CPE: variants seen among roughly 807,000 people sequenced by gnomAD.
CPE encodes carbocypeptidase E.
A neutral mutation model predicts 53.5 loss-of-function variants in CPE; 17 were observed. The ratio of observed to expected loss-of-function variants is 0.32; its 90% CI spans 0.22 to 0.48. CPE has a LOEUF of 0.48. Ranked by LOEUF, CPE falls within the 20% of genes least tolerant of loss-of-function variation. The pLI, the probability that CPE is intolerant of heterozygous loss-of-function variation, is 0.99. For missense variants in CPE, 524 were observed against 614.7 expected, an observed-to-expected ratio of 0.85 and a Z score of 1.56; for synonymous variants, 226 against 228.8, an observed-to-expected ratio of 0.99 and a Z score of 0.11.
intron 1 of CPE, chr4:165,414,942 A>C (rs971544519): frequency 5.9e-5 from 9 of 152,168 alleles, no homozygotes; most frequent in South Asian, 2.1e-4. Context: ...AAAAAAAAAA[A>C]CAAAATATAA....
At chr4:165,398,395 AATACATATAGGTACATAT>A (rs1166390024) in intron 1 of CPE, among the ~76,000 whole-genome samples, 11 of 152,298 alleles carry the variant, frequency 7.2e-5, no homozygotes, top group Admixed American at 3.3e-4. Flanking sequence ...TAGGTGTATG[AATACATATAGGTACATAT>A]ATACATATAG....
intron 5 of CPE, among the ~76,000 whole-genome samples, chr4:165,486,807 C>T (rs1732512715): frequency 6.6e-6 from 1 of 152,146 alleles, no homozygotes; most frequent in Non-Finnish European, 1.5e-5. Flanking sequence ...CTGTGCTTAT[C>T]AATATCCCAC....
chr4:165,459,339 G>C (rs1385314912), intron 1 of CPE, among the ~76,000 whole-genome samples: 1 of 152,120 alleles, frequency 6.6e-6, no homozygotes, highest in Non-Finnish European at 1.5e-5. Context: ...AATCCAACCA[G>C]GCACATTAAA....
At chr4:165,384,686 C>T (rs956305052) in intron 1 of CPE, among the ~76,000 whole-genome samples, 1 of 152,138 alleles carries the variant, frequency 6.6e-6, no homozygotes, top group Non-Finnish European at 1.5e-5. Context: ...CTTCCATTAG[C>T]CCATTATCAT....
At chr4:165,467,933 G>GATATT in intron 3 of CPE, 78 bp downstream of exon 3, 3 of 1,470,042 alleles carry the variant, frequency 2.0e-6, no homozygotes, top group Non-Finnish European at 2.8e-6. Context: ...TCATCATGAA[G>GATATT]GACAGAGGAG....
At chr4:165,478,430 AATTG>A (rs1351771421) in intron 3 of CPE, among the ~76,000 whole-genome samples, 1 of 152,258 alleles carries the variant, frequency 6.6e-6, no homozygotes, top group Non-Finnish European at 1.5e-5. Flanking sequence ...GCATATAAGC[AATTG>A]TGTATGATGT....
At chr4:165,479,480 T>A (rs1409256540) in intron 3 of CPE, among the ~76,000 whole-genome samples, 2 of 152,208 alleles carry the variant, frequency 1.3e-5, no homozygotes, top group Non-Finnish European at 2.9e-5. Context: ...TCTAAATTTC[T>A]TGTATAGACA....
At chr4:165,437,018 C>G (rs1252635084) in intron 1 of CPE, among the ~76,000 whole-genome samples, 2 of 152,156 alleles carry the variant, frequency 1.3e-5, no homozygotes, top group Non-Finnish European at 2.9e-5. Context: ...GCTTATATAT[C>G]CTTCTTCATA....
chr4:165,447,175 G>A (rs1042958101), intron 1 of CPE, among the ~76,000 whole-genome samples: 5 of 152,198 alleles, frequency 3.3e-5, no homozygotes, highest in African/African-American at 4.8e-5. Flanking sequence ...TGCTCTGGGT[G>A]AGTTAGTGAG....
chr4:165,397,050 G>T (rs1196304932), intron 1 of CPE, among the ~76,000 whole-genome samples: 1 of 152,048 alleles, frequency 6.6e-6, no homozygotes, highest in Non-Finnish European at 1.5e-5. Flanking sequence ...GATAGAATGA[G>T]ACCTTGTCTC....
intron 1 of CPE, among the ~76,000 whole-genome samples, chr4:165,398,051 T>TAAAAAAA (rs397955897): frequency 3.3e-5 from 3 of 92,240 alleles, no homozygotes; most frequent in African/African-American, 3.8e-5. Flanking sequence ...TCCTCATTTC[T>TAAAAAAA]AAAAAAAAAA....
chr4:165,491,362 G>C (rs2126716570), intron 6 of CPE, among the ~76,000 whole-genome samples: 1 of 152,224 alleles, frequency 6.6e-6, no homozygotes, highest in South Asian at 2.1e-4. Context: ...AAAGTACTTG[G>C]GTAAAGCCTC....
At chr4:165,417,162 G>A (rs1257974128) in intron 1 of CPE, among the ~76,000 whole-genome samples, 1 of 152,132 alleles carries the variant, frequency 6.6e-6, no homozygotes, top group Non-Finnish European at 1.5e-5. Context: ...GGTGAGTGGG[G>A]TGGAGGAATG....
intron 1 of CPE, among the ~76,000 whole-genome samples, chr4:165,455,454 A>G (rs989673690): frequency 8.5e-5 from 13 of 152,258 alleles, no homozygotes; most frequent in African/African-American, 3.1e-4. Context: ...TAAATGCACA[A>G]AGGCATTTTG....
At chr4:165,394,484 C>A (rs1309522464) in intron 1 of CPE, among the ~76,000 whole-genome samples, 1 of 152,016 alleles carries the variant, frequency 6.6e-6, no homozygotes, top group Admixed American at 6.6e-5. Flanking sequence ...GCAAGGGCAA[C>A]CCTCAGTTGT....
chr4:165,394,119 T>G (rs1560868327), intron 1 of CPE, among the ~76,000 whole-genome samples: 1 of 152,018 alleles, frequency 6.6e-6, no homozygotes, highest in Non-Finnish European at 1.5e-5. Flanking sequence ...AGAGAAACTT[T>G]GGGGAAACAG....
chr4:165,401,614 T>C (rs1192368864), intron 1 of CPE, among the ~76,000 whole-genome samples: 77 of 152,226 alleles, frequency 5.1e-4, no homozygotes, highest in Non-Finnish European at 1.3e-4. Flanking sequence ...TAATGAATAA[T>C]AGAAATTATT....
intron 1 of CPE, among the ~76,000 whole-genome samples, chr4:165,450,765 C>T (rs1180157208): frequency 1.3e-5 from 2 of 152,128 alleles, no homozygotes; most frequent in East Asian, 1.9e-4. Flanking sequence ...TTTGATCATA[C>T]AGTTTAGCAT....
At chr4:165,445,861 A>G (rs1417540728) in intron 1 of CPE, among the ~76,000 whole-genome samples, 1 of 152,142 alleles carries the variant, frequency 6.6e-6, no homozygotes. Flanking sequence ...CTGGCTATTA[A>G]TACATGGTTC....
Sources: gnomAD v4.1 joint callset for allele counts (sites outside exome capture counted in the v4.1 genomes callset) on GRCh38, gnomAD v4.1.1 for gene constraint, MANE v1.5 for transcripts, NCBI Gene and HGNC (gene_info 2026-07-23, HGNC 2026-07-21) for gene names.